The following PLA2G4A variants were observed in gnomAD, a reference collection of about 807,000 sequenced individuals.
The protein encoded by PLA2G4A is phospholipase A2 group IVA, also known as cytosolic phospholipase A2.
In PLA2G4A, 40 loss-of-function variants were observed where a neutral mutation model predicts 81.9. That is an observed-to-expected ratio of 0.49 (90% confidence interval 0.38 to 0.64). PLA2G4A has a LOEUF of 0.64. Among genes scored for constraint, PLA2G4A ranks in the 30% least tolerant of loss-of-function variants. The pLI is 0.00. For missense variants in PLA2G4A, 715 were observed against 905.1 expected, an observed-to-expected ratio of 0.79 and a Z score of 2.69; for synonymous variants, 302 against 296.9, an observed-to-expected ratio of 1.02 and a Z score of -0.18.
chr1:186,960,053 G>A (rs1227882757), intron 14 of PLA2G4A, among the ~76,000 whole-genome samples: 1 of 152,034 alleles, frequency 6.6e-6, no homozygotes, highest in Non-Finnish European at 1.5e-5. Context: ...CGCTATTTTT[G>A]TGCCTACTAC....
At chr1:186,943,226 C>T (rs1304946727) in intron 10 of PLA2G4A, among the ~76,000 whole-genome samples, 1 of 152,192 alleles carries the variant, frequency 6.6e-6, no homozygotes, top group African/African-American at 2.4e-5. Context: ...ACACACCTTT[C>T]ATTTAGAAAT....
intron 1 of PLA2G4A, among the ~76,000 whole-genome samples, chr1:186,832,098 A>G (rs1186020054): frequency 6.6e-6 from 1 of 152,148 alleles, no homozygotes; most frequent in African/African-American, 2.4e-5. Context: ...TCATCTGTAT[A>G]TAGGCTGTAC....
chr1:186,902,138 G>C (rs192566970), intron 5 of PLA2G4A, among the ~76,000 whole-genome samples: 61 of 152,140 alleles, frequency 4.0e-4, no homozygotes, highest in South Asian at 1.5e-3. Flanking sequence ...AATACAATAG[G>C]CATTTGCAGC....
rs146381355 is a variant in PLA2G4A, at chr1:186,954,300, T to C, written c.1337-1802T>C. ...TTCATGTCCTTTGCAGGAACATGCA[T>C]GAAGCTGGAAACCATCATTCTCAGC... On this transcript the variant is annotated intron_variant, in intron 13 of 17. Transcript: ENST00000367466. Among the ~76,000 whole-genome samples the C allele has an allele frequency of 6.8e-3, 1,030 of 152,228 alleles. 17 individuals carry two copies. The highest frequency in any genetic ancestry group is 0.024 in the African/African-American group (1,001 of 41,528).
At chr1:186,930,984 A>T (rs1655724577) in intron 7 of PLA2G4A, among the ~76,000 whole-genome samples, 8 of 151,900 alleles carry the variant, frequency 5.3e-5, no homozygotes, top group Admixed American at 5.2e-4. Context: ...CCCTTTCAAG[A>T]CTGAATTCAA....
intron 15 of PLA2G4A, among the ~76,000 whole-genome samples, chr1:186,968,179 GC>G: frequency 6.6e-6 from 1 of 152,138 alleles, no homozygotes; most frequent in Middle Eastern, 3.4e-3. Flanking sequence ...GTGAATCAGG[GC>G]TCCACCACCT....
chr1:186,982,431 T>C (rs899835771), intron 17 of PLA2G4A, among the ~76,000 whole-genome samples: 2 of 152,210 alleles, frequency 1.3e-5, no homozygotes, highest in African/African-American at 2.4e-5. Flanking sequence ...TGATGCATGA[T>C]TACAGAAGCT....
chr1:186,932,340 G>C (rs1655778675), intron 7 of PLA2G4A, among the ~76,000 whole-genome samples: 1 of 147,254 alleles, frequency 6.8e-6, no homozygotes. Context: ...CTGTTGCCCA[G>C]GCTGGAGAGC....
chr1:186,968,262 T>C (rs1319697501), intron 15 of PLA2G4A, among the ~76,000 whole-genome samples: 1 of 152,132 alleles, frequency 6.6e-6, no homozygotes, highest in African/African-American at 2.4e-5. Context: ...GGCAGTAGTT[T>C]TTAAATGTTG....
At chr1:186,959,293 T>C (rs1178988027) in intron 14 of PLA2G4A, among the ~76,000 whole-genome samples, 1 of 152,150 alleles carries the variant, frequency 6.6e-6, no homozygotes, top group Non-Finnish European at 1.5e-5. Flanking sequence ...TTTCTTCATT[T>C]AGTGCCCTTT....
intron 7 of PLA2G4A, among the ~76,000 whole-genome samples, chr1:186,920,608 T>G (rs1336439905): frequency 6.6e-6 from 1 of 152,192 alleles, no homozygotes; most frequent in Non-Finnish European, 1.5e-5. Context: ...ATCACCTTGC[T>G]TTTCCTTCAG....
chr1:186,909,245 A>T (rs908966501), intron 6 of PLA2G4A, among the ~76,000 whole-genome samples: 1 of 147,146 alleles, frequency 6.8e-6, no homozygotes, highest in Non-Finnish European at 1.5e-5. Context: ...AAGTGCTGGG[A>T]TTACAGGCAT....
intron 15 of PLA2G4A, among the ~76,000 whole-genome samples, chr1:186,971,435 C>T (rs1657353642): frequency 6.6e-6 from 1 of 151,900 alleles, no homozygotes; most frequent in South Asian, 2.1e-4. Flanking sequence ...GTGCCTTTCT[C>T]CAAATTTATA....
intron 3 of PLA2G4A, among the ~76,000 whole-genome samples, chr1:186,885,452 T>C (rs1320875165): frequency 1.3e-5 from 2 of 152,176 alleles, no homozygotes; most frequent in African/African-American, 4.8e-5. Flanking sequence ...AGTCCTACTT[T>C]CTCTGCCTGC....
At chr1:186,930,523 T>A (rs182033826) in intron 7 of PLA2G4A, among the ~76,000 whole-genome samples, 37 of 152,348 alleles carry the variant, frequency 2.4e-4, no homozygotes, top group Admixed American at 1.1e-3. Flanking sequence ...CCAGTTTCTC[T>A]TATTAAATCT....
rs773920216 is a variant in PLA2G4A at position 186,907,013 on chromosome 1, T to TA, written c.416+11_416+12insA. On this transcript the variant is annotated intron_variant, in intron 6 of 17. Coordinates refer to ENST00000367466, the MANE Select transcript of PLA2G4A (RefSeq NM_024420.3). The stretch of plus-strand genomic sequence containing the variant: ...GTCTCTTGAAGTTTGGTAAGTGCAT[T>TA]TATTTAGTTGGATGAGAAATATTGT... 8.5e-6 allele frequency: 12 copies of TA among 1,416,234 alleles called. No homozygotes were observed. In the South Asian group the frequency reaches 1.3e-4, roughly 15 times the overall value. The allele number at this position is 1,416,234 out of a possible 1,614,324, so 87.7% of individuals were successfully genotyped here. A position where few individuals can be genotyped will look rare whatever the true frequency, so the allele number is the denominator to read the frequency against.
At chr1:186,920,025 A>C (rs568233634) in intron 7 of PLA2G4A, among the ~76,000 whole-genome samples, 1 of 152,270 alleles carries the variant, frequency 6.6e-6, no homozygotes, top group East Asian at 1.9e-4. Flanking sequence ...CCCCAGGCTT[A>C]ACGTCTATGA....
At position 186,894,155 on chromosome 1, in the gene PLA2G4A, A is replaced by T. The variant is rs140645786; in HGVS notation, c.322A>T (p.Thr108Ser). Residue 108 changes from threonine to serine, a missense_variant, in exon 5 of 18, where the codon ACT (threonine) becomes TCT (serine). By Grantham distance (58) the Thr-to-Ser change is moderately conservative. Coordinates refer to ENST00000367466, the MANE Select transcript of PLA2G4A (RefSeq NM_024420.3). ...TGAAACTCTAGGGACAGCAACATTT[A>T]CTGTATCTTCTATGAAGGTGGGAGA... ...MDETLGTATF[T>S]VSSMKVGEKK... The T allele has an allele frequency of 1.4e-4, 209 of 1,527,550 alleles. No individual in the cohort carries two copies. The African/African-American group carries it at 2.7e-3, about 20-fold the overall frequency. The allele number at this position is 1,527,550 out of a possible 1,614,324, so 94.6% of individuals were successfully genotyped here. A position where few individuals can be genotyped will look rare whatever the true frequency, so the allele number is the denominator to read the frequency against.
chr1:186,860,635 C>T (rs900004941), intron 2 of PLA2G4A, among the ~76,000 whole-genome samples: 11 of 152,116 alleles, frequency 7.2e-5, no homozygotes, highest in Non-Finnish European at 1.5e-4. Flanking sequence ...CATGGCCTAC[C>T]GAAATTGATG....
Sources: gnomAD v4.1 joint callset for allele counts (sites outside exome capture counted in the v4.1 genomes callset) on GRCh38, gnomAD v4.1.1 for gene constraint, MANE v1.5 for transcripts, NCBI Gene and HGNC (gene_info 2026-07-23, HGNC 2026-07-21) for gene names.